The following SAMD3 variants were observed in gnomAD, a reference collection of about 807,000 sequenced individuals.
SAMD3 encodes the protein sterile alpha motif domain containing 3.
SAMD3 carries 63 observed loss-of-function variants against 58.5 expected under a neutral mutation model. The ratio of observed to expected loss-of-function variants is 1.08; its 90% CI spans 0.88 to 1.33. The LOEUF (loss-of-function observed/expected upper bound fraction) is 1.33. Among genes scored for constraint, SAMD3 ranks in the 40% most tolerant of loss-of-function variants. The pLI, the probability that SAMD3 is intolerant of heterozygous loss-of-function variation, is 0.00. For missense variants in SAMD3, 604 were observed against 608.4 expected (o/e 0.99, Z 0.08); for synonymous variants, 220 against 210.3 (o/e 1.05, Z -0.40).
intron 5 of SAMD3, among the ~76,000 whole-genome samples, chr6:130,191,715 ATTCTC>A (rs1290932233): frequency 6.7e-6 from 1 of 149,568 alleles, no homozygotes; most frequent in African/African-American, 2.5e-5. Flanking sequence ...GAATTTTTTC[ATTCTC>A]TTTTTACTTC....
At chr6:130,242,652 T>C (rs17058585) in intron 2 of SAMD3, among the ~76,000 whole-genome samples, 18,247 of 152,186 alleles carry the variant, frequency 0.12, 1,488 homozygotes, top group East Asian at 0.36. Flanking sequence ...AAGAACAGGC[T>C]CCAAGCTGAA....
At chr6:130,188,882 C>G (rs762494780) in intron 5 of SAMD3, among the ~76,000 whole-genome samples, 5 of 152,110 alleles carry the variant, frequency 3.3e-5, no homozygotes, top group Non-Finnish European at 7.4e-5. Context: ...TTGCACATGG[C>G]TTGGTTCCTG....
chr6:130,144,746 T>G lies in SAMD3; in HGVS notation c.1337A>C (p.Glu446Ala). ...CTCCCTTTCTAAATATAAAGAAAAT[T>G]CGCAGACCTCCATGTTGAAAGGGTT... ...VKNPFNMEVCEFSLYLERERL... is the reference protein window; with the variant it reads ...VKNPFNMEVCAFSLYLERERL... Residue 446 changes from glutamate to alanine, a missense_variant, in exon 12 of 12, where the codon GAA becomes GCA. Transcript: ENST00000439090. 1 of 1,614,038 alleles carries G rather than the reference T, an allele frequency of 6.2e-7. No individual in the cohort carries two copies.
intron 5 of SAMD3, among the ~76,000 whole-genome samples, chr6:130,204,765 CTT>C (rs112982780): frequency 0.39 from 49,192 of 126,648 alleles, 8,736 homozygotes; most frequent in African/African-American, 0.48. Flanking sequence ...ATTTCCAGGC[CTT>C]TTTTTTTTTT....
intron 2 of SAMD3, among the ~76,000 whole-genome samples, chr6:130,284,314 T>C (rs1202251717): frequency 6.6e-6 from 1 of 152,226 alleles, no homozygotes; most frequent in Non-Finnish European, 1.5e-5. Context: ...TTAGTTCCTG[T>C]TTAATCAAGT....
chr6:130,268,484 C>T (rs1774440409), intron 2 of SAMD3, among the ~76,000 whole-genome samples: 1 of 152,086 alleles, frequency 6.6e-6, no homozygotes, highest in African/African-American at 2.4e-5. Flanking sequence ...ATGCCCTAGG[C>T]CTTCATATTC....
chr6:130,235,782 T>C (rs1467644096), intron 2 of SAMD3, among the ~76,000 whole-genome samples: 1 of 152,212 alleles, frequency 6.6e-6, no homozygotes, highest in Non-Finnish European at 1.5e-5. Flanking sequence ...GCTAATTTTT[T>C]CAATTTGTAT....
At chr6:130,357,752 T>C (rs1777876697) in intron 1 of SAMD3, among the ~76,000 whole-genome samples, 2 of 152,254 alleles carry the variant, frequency 1.3e-5, no homozygotes, top group Non-Finnish European at 2.9e-5. Flanking sequence ...AGGTAATTGA[T>C]CAACCTGTGA....
rs748857581 is a variant in SAMD3 at position 130,154,903 on chromosome 6, T to A, written c.945A>T (p.Ile315=). ...TTCGGCTGCCAATCATCTTTCTTCT[T>A]ATTTCCAAAGTTTGGCTCATTCTCT... ...IDKRMSQTLE[I]RRKMIGSRTP... Residue 315 remains isoleucine, a synonymous_variant, in exon 9 of 12, where the codon ATA becomes ATT. Transcript: ENST00000439090. 1 of 1,613,594 alleles carries A rather than the reference T, an allele frequency of 6.2e-7. No individual in the cohort carries two copies. The highest frequency in any genetic ancestry group is 1.1e-5 in the South Asian group (1 of 91,060).
intron 1 of SAMD3, among the ~76,000 whole-genome samples, chr6:130,352,273 G>T (rs964353510): frequency 1.3e-5 from 2 of 151,886 alleles, no homozygotes; most frequent in East Asian, 3.9e-4. Flanking sequence ...GGATAAACTC[G>T]AGTCAAGGAG....
At chr6:130,354,394 A>G (rs1009257120) in intron 1 of SAMD3, among the ~76,000 whole-genome samples, 4 of 152,220 alleles carry the variant, frequency 2.6e-5, no homozygotes, top group Admixed American at 1.3e-4. Flanking sequence ...CTGCAGTGCT[A>G]TTCACAATAG....
At chr6:130,271,352 T>G (rs149555854) in intron 2 of SAMD3, among the ~76,000 whole-genome samples, 151 of 152,308 alleles carry the variant, frequency 9.9e-4, no homozygotes, top group African/African-American at 3.5e-3. Flanking sequence ...CCTATCCCTG[T>G]GTACTATCAA....
chr6:130,160,450 G>C (rs1790186489), intron 8 of SAMD3: 1 of 152,110 alleles, frequency 6.6e-6, no homozygotes, highest in Non-Finnish European at 1.5e-5. Flanking sequence ...TTTAGGCTGG[G>C]GTAGTGAAGG....
At chr6:130,340,664 C>T (rs1054597150) in intron 1 of SAMD3, among the ~76,000 whole-genome samples, 1 of 152,200 alleles carries the variant, frequency 6.6e-6, no homozygotes, top group Non-Finnish European at 1.5e-5. Flanking sequence ...AATAGATTCT[C>T]ACAATTTCAT....
At chr6:130,335,649 C>A (rs1044136004) in intron 1 of SAMD3, among the ~76,000 whole-genome samples, 1 of 152,162 alleles carries the variant, frequency 6.6e-6, no homozygotes, top group Non-Finnish European at 1.5e-5. Context: ...TTTGACCCAG[C>A]CATCCCATTA....
At chr6:130,235,132 G>A (rs896783449) in intron 2 of SAMD3, among the ~76,000 whole-genome samples, 2 of 152,040 alleles carry the variant, frequency 1.3e-5, no homozygotes, top group Non-Finnish European at 2.9e-5. Context: ...AGGAAATAGG[G>A]AAATTGTAGT....
intron 2 of SAMD3, among the ~76,000 whole-genome samples, chr6:130,302,522 T>C (rs933746048): frequency 6.6e-6 from 1 of 152,230 alleles, no homozygotes; most frequent in African/African-American, 2.4e-5. Flanking sequence ...AGTATTGAGA[T>C]TTCTCAAAGA....
At chr6:130,312,967 T>C (rs1329198237) in intron 2 of SAMD3, 1 of 152,254 alleles carries the variant, frequency 6.6e-6, no homozygotes, top group African/African-American at 2.4e-5. Context: ...GCGAGGCAGT[T>C]GCACACTCAC....
At chr6:130,176,526 C>G (rs1340799793) in intron 7 of SAMD3, among the ~76,000 whole-genome samples, 1 of 152,242 alleles carries the variant, frequency 6.6e-6, no homozygotes, top group African/African-American at 2.4e-5. Context: ...AAAAGACCAA[C>G]TCCCCACTCT....
Sources: allele counts gnomAD v4.1 joint callset (sites outside exome capture counted in the v4.1 genomes callset), GRCh38; gene constraint gnomAD v4.1.1; transcripts MANE v1.5; gene names NCBI Gene and HGNC (gene_info 2026-07-23, HGNC 2026-07-21).